The following R3HDM1 variants were observed in gnomAD, a reference collection of about 807,000 sequenced individuals.
The protein encoded by R3HDM1 is R3H domain-containing protein 1.
Under a neutral mutation model 141.1 loss-of-function variants are expected in R3HDM1, and 46 were observed. That is an observed-to-expected ratio of 0.33 (90% CI 0.26 to 0.42). R3HDM1 has a LOEUF of 0.42. Ranked by LOEUF, R3HDM1 falls within the 10% of genes least tolerant of loss-of-function variation. The probability of loss-of-function intolerance (pLI) is 1.00; values close to 1 mark genes in which losing one functional copy is unlikely to be tolerated. For missense variants in R3HDM1, 1,184 were observed against 1,368.3 expected (o/e 0.87, Z 2.12); for synonymous variants, 435 against 472.9 (o/e 0.92, Z 1.04).
chr2:135,642,439 C>A (rs1193299127), intron 15 of R3HDM1, among the ~76,000 whole-genome samples: 1 of 152,188 alleles, frequency 6.6e-6, no homozygotes, highest in African/African-American at 2.4e-5. Context: ...TAGGTGAAAT[C>A]CTCATTTACA....
chr2:135,698,963 C>T (rs2073709922), intron 21 of R3HDM1, among the ~76,000 whole-genome samples: 1 of 144,156 alleles, frequency 6.9e-6, no homozygotes, highest in Admixed American at 7.0e-5. Flanking sequence ...AGACACACAT[C>T]CAAACAATAT....
chr2:135,724,306 AC>A lies in R3HDM1; in HGVS notation c.*17del. ...AGTTCTCAGTAACAGCCACCTTTGG[AC>A]CCTTCGCCTTTATGGTTCCCCTGCC... On this transcript the variant is annotated 3_prime_UTR_variant, in exon 27 of 27. Coordinates refer to ENST00000683871, the MANE Select transcript of R3HDM1 (RefSeq NM_001378107.1). 1.3e-6 allele frequency: 2 copies of A among 1,562,420 alleles called. No homozygotes were observed. The highest frequency in any genetic ancestry group is 1.8e-6 in the Non-Finnish European group (2 of 1,142,236).
chr2:135,724,053 C>T lies in R3HDM1; in HGVS notation c.3166C>T (p.Pro1056Ser). ...CGCCAAGATCCGGTGGCTCCGGGAC[C>T]CCCAGTCCCAACCACGTCGTCACCC... The part of the protein sequence containing the change: ...IGAKIRWLRD[P>S]QSQPRRHPLC... Residue 1056 changes from proline to serine, a missense_variant, in exon 27 of 27, where the codon CCC (proline) becomes TCC (serine). Pro to Ser is a moderately conservative substitution (Grantham distance 74, BLOSUM62 -1). This residue lies in a region of R3HDM1 where 182 missense variants were observed against 252.6 expected (regional missense o/e 0.72). Coordinates refer to ENST00000683871, the MANE Select transcript of R3HDM1 (RefSeq NM_001378107.1). The T allele has an allele frequency of 5.0e-6, 8 of 1,613,916 alleles. No individual in the cohort carries two copies. The highest frequency in any genetic ancestry group is 6.8e-6 in the Non-Finnish European group (8 of 1,179,898).
chr2:135,576,721 C>T (rs1271552207), intron 1 of R3HDM1, among the ~76,000 whole-genome samples: 1 of 152,018 alleles, frequency 6.6e-6, no homozygotes, highest in African/African-American at 2.4e-5. Flanking sequence ...AACTTGAAAA[C>T]ATTATACTAA....
At chr2:135,722,283 T>C (rs924801884) in intron 25 of R3HDM1, among the ~76,000 whole-genome samples, 186 bp from the exon 26 acceptor site, 4 of 152,152 alleles carry the variant, frequency 2.6e-5, no homozygotes, top group South Asian at 4.1e-4. Flanking sequence ...CGTCAGCAAG[T>C]GATCGGTCAT....
chr2:135,692,876 G>A (rs1178241668), intron 21 of R3HDM1, among the ~76,000 whole-genome samples: 3 of 152,120 alleles, frequency 2.0e-5, no homozygotes, highest in African/African-American at 7.2e-5. Flanking sequence ...GTTAAGTGAG[G>A]ATTAAGGAAA....
rs1436301473 is a variant in R3HDM1 at position 135,688,959 on chromosome 2, T to C, written c.2459+8635T>C. On this transcript the variant is annotated intron_variant, in intron 21 of 26. Coordinates refer to ENST00000683871, the MANE Select transcript of R3HDM1 (RefSeq NM_001378107.1). Reference sequence around the variant, plus strand: ...TCAAAAAGAAATACTGCAGAGTTTTTACATTTCTAGAATCTCATTTGTCTT... The same window carrying C: ...TCAAAAAGAAATACTGCAGAGTTTTCACATTTCTAGAATCTCATTTGTCTT... 2.6e-5 allele frequency among the ~76,000 whole-genome samples: 4 copies of C among 152,314 alleles called. No homozygotes were observed. The East Asian group carries it at 5.8e-4, about 22-fold the overall frequency.
intron 18 of R3HDM1, among the ~76,000 whole-genome samples, chr2:135,653,012 T>C (rs901560732): frequency 6.6e-6 from 1 of 151,864 alleles, no homozygotes; most frequent in African/African-American, 2.4e-5. Flanking sequence ...TTTTGTTTTT[T>C]ATTAATTTAG....
intron 1 of R3HDM1, chr2:135,590,606 CA>C (rs1309895003): frequency 1.0e-6 from 1 of 985,102 alleles, no homozygotes; most frequent in African/African-American, 1.7e-5. Context: ...GAAGTTGAGC[CA>C]ATTAAATTGG....
At chr2:135,539,996 C>T (rs1298431869) in intron 1 of R3HDM1, among the ~76,000 whole-genome samples, 1 of 152,236 alleles carries the variant, frequency 6.6e-6, no homozygotes, top group African/African-American at 2.4e-5. Context: ...ATTTTACCCC[C>T]AGTAGAACTT....
chr2:135,675,232 T>G, intron 19 of R3HDM1, 100 bp from the exon 20 acceptor site: 3 of 1,208,284 alleles, frequency 2.5e-6, no homozygotes, highest in Non-Finnish European at 3.4e-6. Context: ...AATCAAAATT[T>G]TATCATTTTA....
At chr2:135,535,589 A>G (rs1210722111) in intron 1 of R3HDM1, among the ~76,000 whole-genome samples, 1 of 152,074 alleles carries the variant, frequency 6.6e-6, no homozygotes, top group Admixed American at 6.5e-5. Flanking sequence ...TTTTCTCAGT[A>G]TAATTGTAAA....
intron 16 of R3HDM1, among the ~76,000 whole-genome samples, chr2:135,646,738 A>C (rs2064477795): frequency 6.6e-6 from 1 of 151,432 alleles, no homozygotes; most frequent in Non-Finnish European, 1.5e-5. Flanking sequence ...AGTCTCAGCT[A>C]CTCAGGAGGC....
intron 1 of R3HDM1, among the ~76,000 whole-genome samples, chr2:135,563,442 G>A (rs115438144): frequency 2.0e-5 from 3 of 152,144 alleles, no homozygotes; most frequent in African/African-American, 4.8e-5. Flanking sequence ...CTGCATCAGC[G>A]TTTTTGGTTA....
At chr2:135,717,582 A>G (rs2076293845) in intron 24 of R3HDM1, among the ~76,000 whole-genome samples, 1 of 152,192 alleles carries the variant, frequency 6.6e-6, no homozygotes, top group East Asian at 1.9e-4. Context: ...CTTGAGGGGA[A>G]AGGGTGAGGA....
intron 1 of R3HDM1, among the ~76,000 whole-genome samples, chr2:135,578,292 T>C (rs1296013058): frequency 6.6e-6 from 1 of 152,138 alleles, no homozygotes; most frequent in African/African-American, 2.4e-5. Flanking sequence ...AGCAGGGAAA[T>C]ACAGGCACAG....
intron 1 of R3HDM1, among the ~76,000 whole-genome samples, chr2:135,565,324 T>A (rs1009527293): frequency 3.0e-4 from 26 of 86,664 alleles, no homozygotes; most frequent in African/African-American, 2.2e-3. Context: ...TGAAAAAAAA[T>A]TATTATTATT....
intron 1 of R3HDM1, among the ~76,000 whole-genome samples, chr2:135,568,419 C>T (rs754660748): frequency 2.0e-5 from 3 of 151,696 alleles, no homozygotes; most frequent in Admixed American, 6.6e-5. Flanking sequence ...GTGTAATCTC[C>T]GCTCACTGCA....
At chr2:135,662,295 T>A (rs1031010546) in intron 19 of R3HDM1, among the ~76,000 whole-genome samples, 2 of 152,340 alleles carry the variant, frequency 1.3e-5, no homozygotes, top group Non-Finnish European at 2.9e-5. Flanking sequence ...GCTCTTGATA[T>A]TGTGTGAAAC....
Sources: gnomAD v4.1 joint callset for allele counts (sites outside exome capture counted in the v4.1 genomes callset) on GRCh38, gnomAD v4.1.1 for gene constraint, gnomAD v4.1.1 regional missense constraint, MANE v1.5 for transcripts, NCBI Gene and HGNC (gene_info 2026-07-23, HGNC 2026-07-21) for gene names.